The following RBM33 variants were observed in gnomAD, a reference collection of about 807,000 sequenced individuals.
RBM33 encodes the protein RNA-binding protein 33.
A neutral mutation model predicts 132.6 loss-of-function variants in RBM33; 28 were observed. The observed-to-expected ratio is 0.21, with a 90% CI of 0.16 to 0.29. The LOEUF (loss-of-function observed/expected upper bound fraction) is 0.29. Ranked by LOEUF, RBM33 falls within the 10% of genes least tolerant of loss-of-function variation. The pLI, the probability that RBM33 is intolerant of heterozygous loss-of-function variation, is 1.00. For missense variants in RBM33, 1,291 were observed against 1,518.5 expected, an observed-to-expected ratio of 0.85 and a Z score of 2.49; for synonymous variants, 634 against 593.0, an observed-to-expected ratio of 1.07 and a Z score of -1.01.
intron 2 of RBM33, among the ~76,000 whole-genome samples, chr7:155,669,965 A>G (rs1798902468): frequency 6.6e-6 from 1 of 152,200 alleles, no homozygotes; most frequent in Non-Finnish European, 1.5e-5. Context: ...CAATCCAGCC[A>G]CAGAGCAGGC....
At position 155,742,112 on chromosome 7, in the gene RBM33, A is replaced by G. The variant is rs1311389299; in HGVS notation, c.2337+6A>G. The G allele has an allele frequency of 6.2e-7, 1 of 1,602,074 alleles. No homozygotes were observed. The highest frequency in any genetic ancestry group is 1.7e-5 in the Admixed American group (1 of 58,952). On this transcript the variant is annotated splice_donor_region_variant and intron_variant, in intron 13 of 17. Coordinates refer to ENST00000401878, the MANE Select transcript of RBM33 (RefSeq NM_053043.3). ...AGGCAAAAACAGAAACAGAGGTAGG[A>G]CACTGCTCTTATTAACAAATGTTGG... is the stretch of plus-strand genomic sequence containing the variant.
chr7:155,711,057 TAC>T (rs767451305), intron 7 of RBM33, 144 bp from the exon 8 acceptor site: 9 of 1,208,062 alleles, frequency 7.4e-6, no homozygotes, highest in Non-Finnish European at 9.9e-6. Context: ...AAGTTGTTAC[TAC>T]AGACTTCTTA....
At chr7:155,759,670 C>T (rs577590028) in intron 14 of RBM33, among the ~76,000 whole-genome samples, 10 of 152,254 alleles carry the variant, frequency 6.6e-5, no homozygotes, top group South Asian at 2.1e-4. Context: ...CCACCCGCCT[C>T]GGCCTCCCAA....
rs180767000 is a variant in RBM33 at position 155,672,497 on chromosome 7, C to T, written c.123-370C>T. 2.0e-5 allele frequency among the ~76,000 whole-genome samples: 3 copies of T among 152,206 alleles called. No individual in the cohort carries two copies. In the East Asian group the frequency reaches 5.8e-4, roughly 29 times the overall value. On this transcript the variant is annotated intron_variant, in intron 2 of 17. Transcript: ENST00000401878. ...GCTGGCCGGGCATGGTGGCTCATGC[C>T]TGTAATCCCAACACTTTGGGAGGCC...
chr7:155,668,181 CAT>C (rs780655018), intron 2 of RBM33, among the ~76,000 whole-genome samples: 21 of 152,094 alleles, frequency 1.4e-4, no homozygotes, highest in South Asian at 6.2e-4. Flanking sequence ...TGTATACACA[CAT>C]ATTTTAAATA....
At chr7:155,654,587 T>C (rs1202752828) in intron 1 of RBM33, among the ~76,000 whole-genome samples, 1 of 152,216 alleles carries the variant, frequency 6.6e-6, no homozygotes, top group African/African-American at 2.4e-5. Flanking sequence ...ACTCAGCCTC[T>C]GTGCTGTTAT....
In RBM33 at chr7:155,748,174, C is replaced by T. The variant is rs1008892018; in HGVS notation, c.2979+2572C>T. Among the ~76,000 whole-genome samples the T allele has an allele frequency of 3.3e-5, 5 of 152,326 alleles. No homozygotes were observed. In the South Asian group the frequency reaches 8.3e-4, roughly 25 times the overall value. On this transcript the variant is annotated intron_variant, in intron 14 of 17. Coordinates refer to ENST00000401878, the MANE Select transcript of RBM33 (RefSeq NM_053043.3). ...TATTATTATCTACATCTTAGTTTTA[C>T]GATTACTTACTTAATGAAAACATTT...
chr7:155,742,501 G>A (rs534595166), intron 13 of RBM33, among the ~76,000 whole-genome samples: 1 of 152,170 alleles, frequency 6.6e-6, no homozygotes, highest in African/African-American at 2.4e-5. Context: ...ATGTGACTGC[G>A]TTCCGGTAAA....
chr7:155,694,702 G>C (rs993297183), intron 5 of RBM33, among the ~76,000 whole-genome samples: 2 of 152,168 alleles, frequency 1.3e-5, no homozygotes, highest in Non-Finnish European at 2.9e-5. Flanking sequence ...CCTGTGTCTT[G>C]CTTCTGTTGC....
chr7:155,774,542 T>G lies in RBM33; in HGVS notation c.3376-17T>G. On this transcript the variant is annotated splice_polypyrimidine_tract_variant and intron_variant, in intron 16 of 17. Transcript: ENST00000401878. The surrounding 1 kb of genome is among the most constrained non-coding windows in gnomAD (Gnocchi z 4.2). Reference sequence around the variant, plus strand: ...TCATTTACAACTGATCTTAAAGTGTTTGTTTTCTTCCTCTAGAGTTTACAG... The same window carrying G: ...TCATTTACAACTGATCTTAAAGTGTGTGTTTTCTTCCTCTAGAGTTTACAG... The G allele has an allele frequency of 6.3e-7, 1 of 1,586,636 alleles. No homozygotes were observed.
chr7:155,667,398 G>A (rs1029053583), intron 2 of RBM33, among the ~76,000 whole-genome samples: 27 of 152,076 alleles, frequency 1.8e-4, no homozygotes, highest in African/African-American at 6.3e-4. Context: ...GCGTGAGCTA[G>A]TGTGCCGTGC....
rs774340649 is a variant in RBM33 at position 155,737,689 on chromosome 7, TAAC to T, written c.1393+32_1393+34del. 3.4e-6 allele frequency: 5 copies of T among 1,489,952 alleles called. No homozygotes were observed. In the East Asian group the frequency reaches 1.2e-4, roughly 36 times the overall value. The allele number at this position is 1,489,952 out of a possible 1,614,324, so 92.3% of individuals were successfully genotyped here. On this transcript the variant is annotated intron_variant, in intron 10 of 17. Coordinates refer to ENST00000401878, the MANE Select transcript of RBM33 (RefSeq NM_053043.3). ...TACAGAAAGAGTGAGTGGTGTGGAG[TAAC>T]AACAGAAGCTGCATTGGGTGATGTG...
rs1162225770 is a variant in RBM33, at chr7:155,711,325, G to A, written c.1071G>A (p.Gln357=). Residue 357 remains glutamine, a synonymous_variant, in exon 8 of 18, where the codon CAG becomes CAA. Coordinates refer to ENST00000401878, the MANE Select transcript of RBM33 (RefSeq NM_053043.3). ...VQHPHHPSPP[Q]GMHMPPQLET... is the part of the protein sequence containing the mutation. ...ACCCGCACCACCCATCCCCGCCTCA[G>A]GGAATGCACATGCCTCCCCAGCTAG... is the stretch of plus-strand genomic sequence containing the variant. The A allele has an allele frequency of 3.1e-6, 5 of 1,605,578 alleles. No individual in the cohort carries two copies. Among genetic ancestry groups the A allele is most frequent in the Non-Finnish European group, 4.3e-6 (5 of 1,176,454 alleles).
intron 8 of RBM33, among the ~76,000 whole-genome samples, chr7:155,715,926 G>A (rs1563157692): frequency 1.3e-5 from 2 of 152,112 alleles, no homozygotes; most frequent in African/African-American, 4.8e-5. Flanking sequence ...TCTTCTGATG[G>A]CACAGACTTT....
intron 6 of RBM33, among the ~76,000 whole-genome samples, chr7:155,704,014 A>G (rs779127220): frequency 5.3e-5 from 8 of 152,194 alleles, no homozygotes; most frequent in East Asian, 1.9e-4. Flanking sequence ...GGGAGAATCA[A>G]ATGATGCACT....
chr7:155,693,106 A>G (rs1255972973), intron 5 of RBM33, among the ~76,000 whole-genome samples: 1 of 152,200 alleles, frequency 6.6e-6, no homozygotes, highest in East Asian at 1.9e-4. Context: ...CTATGTAGTT[A>G]CAGATGGAAA....
chr7:155,734,217 G>A (rs1193208730), intron 9 of RBM33, among the ~76,000 whole-genome samples: 2 of 152,248 alleles, frequency 1.3e-5, no homozygotes, highest in African/African-American at 2.4e-5. Context: ...TCCCCGGCAG[G>A]CGGTGCTCCT....
At chr7:155,685,044 A>G (rs1376985806) in intron 5 of RBM33, 1 of 1,550,030 alleles carries the variant, frequency 6.5e-7, no homozygotes, top group African/African-American at 1.4e-5. Flanking sequence ...TGCTCCTGCA[A>G]CTGAAGAGGT....
intron 1 of RBM33, among the ~76,000 whole-genome samples, chr7:155,653,286 A>C (rs1276507542): frequency 6.6e-6 from 1 of 152,196 alleles, no homozygotes; most frequent in Non-Finnish European, 1.5e-5. Flanking sequence ...CTTCATTTTA[A>C]CTAATTACAT....
Sources: gnomAD v4.1 joint callset for allele counts (sites outside exome capture counted in the v4.1 genomes callset) on GRCh38, gnomAD v4.1.1 for gene constraint, Gnocchi (gnomAD v3.1) non-coding constraint, MANE v1.5 for transcripts, NCBI Gene and HGNC (gene_info 2026-07-23, HGNC 2026-07-21) for gene names.